Variants in GLIS3 observed in about 807,000 individuals in gnomAD.
GLIS3 encodes zinc finger protein GLIS3.
GLIS3 carries 53 observed loss-of-function variants against 78.6 expected under a neutral mutation model. That is an observed-to-expected ratio of 0.67 (90% confidence interval 0.54 to 0.85). The LOEUF (loss-of-function observed/expected upper bound fraction) is 0.85. Ranked by LOEUF, GLIS3 falls within the 40% of genes least tolerant of loss-of-function variation. The pLI is 0.00. For missense variants in GLIS3, 1,703 were observed against 1,231.1 expected, an observed-to-expected ratio of 1.38 and a Z score of -5.74; for synonymous variants, 684 against 509.9, an observed-to-expected ratio of 1.34 and a Z score of -4.60.
At chr9:4,259,558 C>A (rs985235056) in intron 2 of GLIS3, among the ~76,000 whole-genome samples, 1 of 152,220 alleles carries the variant, frequency 6.6e-6, no homozygotes, top group Non-Finnish European at 1.5e-5. Context: ...CCACCGCCCA[C>A]CCCATAATCC....
chr9:4,476,920 T>C, the GLIS3 span, among the ~76,000 whole-genome samples: 1 of 152,118 alleles, frequency 6.6e-6, no homozygotes, highest in Non-Finnish European at 1.5e-5. Flanking sequence ...ATAACAAATA[T>C]TGGTGAGGAT....
At chr9:4,383,979 C>T in the GLIS3 span, among the ~76,000 whole-genome samples, 1 of 152,178 alleles carries the variant, frequency 6.6e-6, no homozygotes. Context: ...CTTAAATATC[C>T]ATGGAACTAC....
At chr9:4,139,913 C>G (rs1833681582) in intron 2 of GLIS3, among the ~76,000 whole-genome samples, 1 of 152,202 alleles carries the variant, frequency 6.6e-6, no homozygotes, top group Non-Finnish European at 1.5e-5. Context: ...CTGACCCATA[C>G]AGGTCCACGG....
chr9:4,039,054 T>C (rs1346470652), intron 4 of GLIS3, among the ~76,000 whole-genome samples: 1 of 151,958 alleles, frequency 6.6e-6, no homozygotes, highest in African/African-American at 2.4e-5. Flanking sequence ...GGAGGGAGAA[T>C]AAAAAAGGAA....
intron 4 of GLIS3, among the ~76,000 whole-genome samples, chr9:4,001,942 C>T (rs899932549): frequency 1.3e-5 from 2 of 152,172 alleles, no homozygotes; most frequent in African/African-American, 4.8e-5. Context: ...TCTCACTAGT[C>T]CCACTGTGAT....
At chr9:4,255,208 A>T (rs1824806970) in intron 2 of GLIS3, among the ~76,000 whole-genome samples, 2 of 152,378 alleles carry the variant, frequency 1.3e-5, no homozygotes, top group Admixed American at 6.5e-5. Flanking sequence ...AACACTGACA[A>T]CATCAAATGC....
At chr9:4,314,957 G>GGAA in intron 2 of GLIS3, among the ~76,000 whole-genome samples, 1 of 152,172 alleles carries the variant, frequency 6.6e-6, no homozygotes, top group East Asian at 1.9e-4. Context: ...GGTGAAAATG[G>GGAA]GAAGCCCCGA....
At chr9:4,196,949 A>G (rs1818914372) in intron 2 of GLIS3, among the ~76,000 whole-genome samples, 2 of 152,170 alleles carry the variant, frequency 1.3e-5, no homozygotes, top group Non-Finnish European at 2.9e-5. Flanking sequence ...ACCCCTAGGC[A>G]GAACTCCAGG....
At chr9:4,257,586 T>TTGTTGTTGTTGTTGTTGTTG (rs376998444) in intron 2 of GLIS3, among the ~76,000 whole-genome samples, 20,714 of 150,294 alleles carry the variant, frequency 0.14, 1,637 homozygotes, top group South Asian at 0.24. Context: ...GTTGTTGTTA[T>TTGTTGTTGTTGTTGTTGTTG]TTTTTGAGAC....
chr9:4,398,816 G>A, the GLIS3 span, among the ~76,000 whole-genome samples: 9 of 152,144 alleles, frequency 5.9e-5, no homozygotes, highest in African/African-American at 2.2e-4. Context: ...AGCCTCCCAA[G>A]TAGCTGGGAT....
intron 4 of GLIS3, among the ~76,000 whole-genome samples, chr9:3,944,310 G>A (rs1231112784): frequency 6.6e-6 from 1 of 152,170 alleles, no homozygotes; most frequent in East Asian, 1.9e-4. Flanking sequence ...TGTAACAATC[G>A]AAAGGTTCTG....
intron 4 of GLIS3, among the ~76,000 whole-genome samples, chr9:4,024,575 C>T (rs1375516240): frequency 6.6e-6 from 1 of 152,122 alleles, no homozygotes; most frequent in Non-Finnish European, 1.5e-5. Context: ...CAATGATTTA[C>T]TGGTGGGAAG....
chr9:4,466,338 C>G, the GLIS3 span, among the ~76,000 whole-genome samples: 3 of 152,104 alleles, frequency 2.0e-5, no homozygotes, highest in African/African-American at 7.2e-5. Context: ...AAACTCCAGG[C>G]CCAGATGGCT....
At chr9:4,298,214 C>T (rs1394026240) in intron 1 of GLIS3, among the ~76,000 whole-genome samples, 2 of 152,030 alleles carry the variant, frequency 1.3e-5, no homozygotes, top group African/African-American at 4.8e-5. Flanking sequence ...AGCCCGGGGG[C>T]GCCACGGCCG....
Position 4,118,707 on chromosome 9 carries a change from C to T in GLIS3, c.771G>A (p.Gly257=). ...DLGDLLSLPP[G]TSMSSNSVSN... is the part of the protein sequence containing the mutation. Reference sequence around the variant, plus strand: ...AGACACTATTGCTGGACATGGATGTCCCGGGAGGAAGGCTAAGGAGATCCC... The same window carrying T: ...AGACACTATTGCTGGACATGGATGTTCCGGGAGGAAGGCTAAGGAGATCCC... The change falls in exon 4 of 11, where the codon GGG becomes GGA. Residue 257 remains glycine, a synonymous_variant. Transcript: ENST00000381971. This position sits in a 1 kb window ranked among gnomAD's most constrained non-coding sequence, Gnocchi z 4.7. 6 of 1,614,000 alleles carry T rather than the reference C, an allele frequency of 3.7e-6. No individual in the cohort carries two copies. Among genetic ancestry groups the T allele is most frequent in the Non-Finnish European group, 5.1e-6 (6 of 1,180,012 alleles).
At chr9:4,048,144 C>A (rs989920820) in intron 4 of GLIS3, among the ~76,000 whole-genome samples, 1 of 152,088 alleles carries the variant, frequency 6.6e-6, no homozygotes, top group Non-Finnish European at 1.5e-5. Context: ...TGAATTTATC[C>A]GACCCCTGAA....
the GLIS3 span, among the ~76,000 whole-genome samples, chr9:4,370,183 CAAAAAAAAA>C: frequency 3.4e-5 from 3 of 88,382 alleles, 1 homozygote. Flanking sequence ...GACTCCATCT[CAAAAAAAAA>C]AAAAAAAAAA....
chr9:4,470,738 TGGA>T, the GLIS3 span, among the ~76,000 whole-genome samples: 1 of 152,000 alleles, frequency 6.6e-6, no homozygotes, highest in East Asian at 1.9e-4. Flanking sequence ...AACATAGTGT[TGGA>T]AGTTCTGGCC....
intron 4 of GLIS3, among the ~76,000 whole-genome samples, chr9:3,958,661 G>A (rs1233077054): frequency 2.6e-5 from 4 of 152,204 alleles, no homozygotes; most frequent in African/African-American, 4.8e-5. Context: ...TAGAGTCCTC[G>A]CTCTCAGGAA....
Sources: gnomAD v4.1 joint callset for allele counts (sites outside exome capture counted in the v4.1 genomes callset) on GRCh38, gnomAD v4.1.1 for gene constraint, Gnocchi (gnomAD v3.1) non-coding constraint, MANE v1.5 for transcripts, NCBI Gene and HGNC (gene_info 2026-07-23, HGNC 2026-07-21) for gene names.